Variants in PAK1 observed in about 807,000 individuals in gnomAD.
The protein encoded by PAK1 is serine/threonine-protein kinase PAK 1.
In PAK1, 29 loss-of-function variants were observed where a neutral mutation model predicts 67.4. The ratio of observed to expected loss-of-function variants is 0.43; its 90% CI spans 0.32 to 0.59. The LOEUF is 0.59. PAK1 is among the 20% of genes least tolerant of loss of function. The probability of loss-of-function intolerance (pLI) is 0.07; values close to 1 mark genes in which losing one functional copy is unlikely to be tolerated. For synonymous variants in PAK1, 223 were observed against 237.4 expected (o/e 0.94, Z 0.56); for missense variants, 337 against 670.7 (o/e 0.50, Z 5.50).
chr11:77,441,170 C>A (rs746329330), intron 1 of PAK1, among the ~76,000 whole-genome samples: 27 of 151,608 alleles, frequency 1.8e-4, no homozygotes, highest in Non-Finnish European at 3.2e-4. Context: ...ATGCAGCCAT[C>A]GGTATTTAAT....
rs769921913 is a variant in PAK1, at chr11:77,392,482, T to C, written c.39A>G (p.Pro13=). ...NNGLDIQDKP[P]APPMRNTSTM... is the part of the protein sequence containing the mutation. The stretch of plus-strand genomic sequence containing the variant: ...TGCTGGTATTTCTCATCGGAGGGGC[T>C]GGGGGTTTGTCTTGAATGTCTAGGC... Residue 13 remains proline (P), a synonymous_variant, in exon 2 of 15, where the codon CCA becomes CCG. Coordinates refer to ENST00000356341, the MANE Select transcript of PAK1 (RefSeq NM_002576.5). The C allele has an allele frequency of 1.9e-6, 3 of 1,613,352 alleles. No individual in the cohort carries two copies. Among genetic ancestry groups the C allele is most frequent in the Non-Finnish European group, 2.5e-6 (3 of 1,179,632 alleles).
At chr11:77,413,700 A>T (rs955460074) in intron 1 of PAK1, among the ~76,000 whole-genome samples, 7 of 152,084 alleles carry the variant, frequency 4.6e-5, no homozygotes, top group Non-Finnish European at 1.5e-5. Context: ...AGAAAAAGGA[A>T]AAAAAGGAAA....
chr11:77,326,679 T>C (rs934674144), intron 14 of PAK1, among the ~76,000 whole-genome samples: 2 of 152,086 alleles, frequency 1.3e-5, no homozygotes, highest in African/African-American at 4.8e-5. Flanking sequence ...AGAGAGATCC[T>C]GTCTCGAAAA....
the PAK1 span, among the ~76,000 whole-genome samples, chr11:77,486,134 A>C: frequency 6.6e-6 from 1 of 151,996 alleles, no homozygotes; most frequent in Non-Finnish European, 1.5e-5. Flanking sequence ...CTTTTTCTTG[A>C]GCTGGTTTAA....
intron 2 of PAK1, among the ~76,000 whole-genome samples, chr11:77,390,702 A>G (rs959658814): frequency 7.9e-6 from 1 of 126,434 alleles, no homozygotes; most frequent in Non-Finnish European, 1.7e-5. Flanking sequence ...AGGTCTTCCT[A>G]TTTTGCCCGG....
chr11:77,335,751 T>A (rs1393760392), intron 13 of PAK1, among the ~76,000 whole-genome samples: 1 of 152,190 alleles, frequency 6.6e-6, no homozygotes, highest in African/African-American at 2.4e-5. Context: ...CTCTCTACTC[T>A]AAAATAGCAC....
At chr11:77,338,160 C>T (rs1469266035) in intron 11 of PAK1, among the ~76,000 whole-genome samples, 1 of 152,114 alleles carries the variant, frequency 6.6e-6, no homozygotes, top group African/African-American at 2.4e-5. Flanking sequence ...TAATTCTGGA[C>T]TTCCATCTAT....
intron 1 of PAK1, among the ~76,000 whole-genome samples, chr11:77,438,164 C>T (rs1956209734): frequency 6.6e-6 from 1 of 152,076 alleles, no homozygotes; most frequent in African/African-American, 2.4e-5. Flanking sequence ...AGGACACTTA[C>T]AATCATGGCA....
chr11:77,513,366 A>C, the PAK1 span, among the ~76,000 whole-genome samples: 509 of 152,224 alleles, frequency 3.3e-3, 2 homozygotes, highest in African/African-American at 0.012. Flanking sequence ...ATGGAATATG[A>C]ATTTGATTAA....
chr11:77,329,015 A>G (rs575907346), intron 14 of PAK1: 11 of 152,234 alleles, frequency 7.2e-5, no homozygotes, highest in Non-Finnish European at 1.2e-4. Flanking sequence ...CCTCTATGCA[A>G]ATCAACTAGA....
At chr11:77,404,670 T>C (rs1953212701) in intron 1 of PAK1, among the ~76,000 whole-genome samples, 1 of 152,172 alleles carries the variant, frequency 6.6e-6, no homozygotes, top group Non-Finnish European at 1.5e-5. Context: ...ATTTTCTCCT[T>C]CTTCCTTCCA....
At chr11:77,486,960 C>T in the PAK1 span, among the ~76,000 whole-genome samples, 6 of 152,214 alleles carry the variant, frequency 3.9e-5, no homozygotes, top group Non-Finnish European at 7.3e-5. Context: ...TAGTGAGACA[C>T]TGGCCAGGGT....
the PAK1 span, among the ~76,000 whole-genome samples, chr11:77,510,803 G>A: frequency 1.3e-5 from 2 of 152,064 alleles, no homozygotes; most frequent in African/African-American, 4.8e-5. Flanking sequence ...TTCTTATTTT[G>A]TGGATGCATC....
At chr11:77,375,527 G>A (rs1948982715) in intron 4 of PAK1, among the ~76,000 whole-genome samples, 1 of 152,146 alleles carries the variant, frequency 6.6e-6, no homozygotes, top group Admixed American at 6.6e-5. Context: ...ATTCTGAGAT[G>A]TACATTTTTT....
intron 2 of PAK1, 64 bp downstream of exon 2, chr11:77,392,267 C>A (rs1951236995): frequency 6.2e-6 from 7 of 1,127,678 alleles, no homozygotes; most frequent in Non-Finnish European, 8.7e-6. Context: ...GATCTTTTAT[C>A]CAGGTTACCC....
Position 77,413,638 on chromosome 11 carries a change from G to C in PAK1, c.-21-21097C>G, listed in dbSNP as rs145824151. Among the ~76,000 whole-genome samples the C allele has an allele frequency of 2.6e-3, 399 of 151,770 alleles. 18 individuals carry two copies. In the East Asian group the frequency reaches 0.066, roughly 25 times the overall value. ...GCGGAAGTTGCAGTGAGCTGAGATC[G>C]CACCACTGGACTCCAGCCTGGGCAA... is the stretch of plus-strand genomic sequence containing the variant. On this transcript the variant is annotated intron_variant, in intron 1 of 14. Transcript: ENST00000356341.
At chr11:77,365,860 T>A (rs1317437976) in intron 5 of PAK1, among the ~76,000 whole-genome samples, 42 of 143,658 alleles carry the variant, frequency 2.9e-4, no homozygotes, top group Admixed American at 2.6e-3. Context: ...AAAAAAAAAA[T>A]AACACCTAAA....
chr11:77,456,793 G>A (rs1376035990), intron 1 of PAK1, among the ~76,000 whole-genome samples: 3 of 151,786 alleles, frequency 2.0e-5, no homozygotes, highest in Admixed American at 6.6e-5. Context: ...CCAGACTGGG[G>A]TGCAGTGGCG....
chr11:77,479,602 CTTTTTTTT>C (rs34649009), upstream of PAK1, among the ~76,000 whole-genome samples: 1 of 80,538 alleles, frequency 1.2e-5, no homozygotes, highest in Non-Finnish European at 2.2e-5. Context: ...GAAAAATAAA[CTTTTTTTT>C]TTTTTTTTTT....
Sources: gnomAD v4.1 joint callset for allele counts (sites outside exome capture counted in the v4.1 genomes callset) on GRCh38, gnomAD v4.1.1 for gene constraint, MANE v1.5 for transcripts, NCBI Gene and HGNC (gene_info 2026-07-23, HGNC 2026-07-21) for gene names.